Variants in SLC13A3 observed in about 807,000 individuals in gnomAD.
The protein encoded by SLC13A3 is Na(+)/dicarboxylate cotransporter 3.
SLC13A3 carries 40 observed loss-of-function variants against 59.0 expected under a neutral mutation model. The observed-to-expected ratio is 0.68, with a 90% CI of 0.53 to 0.88. The LOEUF is 0.88. Among genes scored for constraint, SLC13A3 ranks in the 40% least tolerant of loss-of-function variants. SLC13A3 has a pLI of 0.00. For synonymous variants in SLC13A3, 317 were observed against 330.3 expected, an observed-to-expected ratio of 0.96 and a Z score of 0.44; for missense variants, 699 against 783.2, an observed-to-expected ratio of 0.89 and a Z score of 1.28.
At chr20:46,648,556 C>G (rs2062917950) in intron 1 of SLC13A3, among the ~76,000 whole-genome samples, 1 of 152,026 alleles carries the variant, frequency 6.6e-6, no homozygotes, top group Non-Finnish European at 1.5e-5. Context: ...CACAAGGGAA[C>G]TGTAGGGAAC....
At chr20:46,666,889 G>C (rs924982020) in intron 1 of SLC13A3, among the ~76,000 whole-genome samples, 1 of 151,996 alleles carries the variant, frequency 6.6e-6, no homozygotes, top group African/African-American at 2.4e-5. Flanking sequence ...ACAATGTAAA[G>C]CAACTCAAAG....
At chr20:46,586,157 T>C (rs1464280096) in intron 8 of SLC13A3, among the ~76,000 whole-genome samples, 1 of 152,220 alleles carries the variant, frequency 6.6e-6, no homozygotes, top group Non-Finnish European at 1.5e-5. Context: ...AAATTTAAAA[T>C]ACATATGTGG....
rs79387867 is a variant in SLC13A3, at chr20:46,626,855, T to C, written c.112-13130A>G. Among the ~76,000 whole-genome samples, 79 of 152,302 alleles carry C rather than the reference T, an allele frequency of 5.2e-4. 1 individual carries two copies. In the East Asian group the frequency reaches 0.014, roughly 27 times the overall value. On this transcript the variant is annotated intron_variant, in intron 1 of 12. Coordinates refer to ENST00000279027, the MANE Select transcript of SLC13A3 (RefSeq NM_022829.6). The stretch of plus-strand genomic sequence containing the variant: ...AGGCCTTTTCCCCCGTCCAGGTCTT[T>C]GCACCTGCTGTTCCCTCTGCCTGGC...
upstream of SLC13A3, among the ~76,000 whole-genome samples, chr20:46,656,331 A>G (rs1452095407): frequency 1.7e-5 from 2 of 118,546 alleles, no homozygotes; most frequent in African/African-American, 6.0e-5. Flanking sequence ...TATATGATAT[A>G]CTATACAGTA....
At chr20:46,623,967 G>A (rs557994958) in intron 1 of SLC13A3, among the ~76,000 whole-genome samples, 3 of 152,270 alleles carry the variant, frequency 2.0e-5, no homozygotes, top group South Asian at 4.1e-4. Flanking sequence ...TGCACAATCC[G>A]TGGGTGTTCT....
rs184224270 is a variant in SLC13A3 at position 46,621,881 on chromosome 20, T to C, written c.112-8156A>G. 3.3e-5 allele frequency among the ~76,000 whole-genome samples: 5 copies of C among 152,404 alleles called. No homozygotes were observed. The East Asian group carries it at 9.6e-4, about 29-fold the overall frequency. ...CAAATCATGTAGTACATATATTTAT[T>C]TGACCTTATCTAACCCAAAGTTTCC... On this transcript the variant is annotated intron_variant, in intron 1 of 12. Transcript: ENST00000279027.
At chr20:46,652,717 G>C (rs975368191), upstream of SLC13A3, among the ~76,000 whole-genome samples, 1 of 151,860 alleles carries the variant, frequency 6.6e-6, no homozygotes, top group African/African-American at 2.4e-5. Context: ...TTTTTTTAAG[G>C]GGGGTGAGTC....
chr20:46,682,700 G>A (rs80128707), intron 1 of SLC13A3, among the ~76,000 whole-genome samples: 115 of 152,224 alleles, frequency 7.6e-4, no homozygotes, highest in African/African-American at 2.6e-3. Flanking sequence ...TTAAAAGCAT[G>A]GGTCTGAATC....
rs542850215 is a variant in SLC13A3, at chr20:46,568,316, T to A, written c.1333-1926A>T. On this transcript the variant is annotated intron_variant, in intron 10 of 12. Transcript: ENST00000279027. ...AGGAGGCTGAGGCAGGATAATCACT[T>A]AAACCAGGGAAGCGGAGGTTGCAGT... Among the ~76,000 whole-genome samples the A allele has an allele frequency of 3.9e-4, 54 of 139,574 alleles. 1 individual carries two copies. In the Admixed American group the frequency reaches 4.4e-3, roughly 11 times the overall value. The allele number at this position is 139,574 out of a possible 152,430, so 91.6% of individuals were successfully genotyped here.
chr20:46,640,738 G>T (rs962485449), intron 1 of SLC13A3, among the ~76,000 whole-genome samples: 3 of 152,114 alleles, frequency 2.0e-5, no homozygotes, highest in South Asian at 4.2e-4. Context: ...AAGCAGTTTG[G>T]ACACACGTGT....
intron 7 of SLC13A3, among the ~76,000 whole-genome samples, chr20:46,588,421 G>A (rs555290867): frequency 4.7e-4 from 71 of 152,248 alleles, no homozygotes; most frequent in Non-Finnish European, 8.5e-4. Flanking sequence ...CCGAAATCGC[G>A]TGTTTCATTA....
chr20:46,657,132 T>C (rs2062999554), intron 1 of SLC13A3, among the ~76,000 whole-genome samples: 1 of 151,994 alleles, frequency 6.6e-6, no homozygotes, highest in African/African-American at 2.4e-5. Flanking sequence ...CAAAAAAAGC[T>C]TTTGAGAAAA....
chr20:46,580,356 C>T (rs1055218573), intron 9 of SLC13A3, among the ~76,000 whole-genome samples: 1 of 151,752 alleles, frequency 6.6e-6, no homozygotes, highest in Non-Finnish European at 1.5e-5. Flanking sequence ...ACAAGGAGGG[C>T]CATGTGTTTC....
chr20:46,640,414 C>G (rs1338592310), intron 1 of SLC13A3, among the ~76,000 whole-genome samples: 4 of 152,144 alleles, frequency 2.6e-5, no homozygotes, highest in Admixed American at 2.6e-4. Flanking sequence ...CTAGCTGGGG[C>G]TCACTGTTGT....
At chr20:46,562,550 C>G (rs1341215022) in intron 12 of SLC13A3, among the ~76,000 whole-genome samples, 2 of 152,104 alleles carry the variant, frequency 1.3e-5, no homozygotes, top group Non-Finnish European at 2.9e-5. Context: ...GAGCACCTAG[C>G]AATATTGAAA....
At chr20:46,606,578 C>A (rs893675224) in intron 3 of SLC13A3, among the ~76,000 whole-genome samples, 4 of 152,156 alleles carry the variant, frequency 2.6e-5, no homozygotes, top group African/African-American at 9.7e-5. Context: ...GTGGCTCACG[C>A]CTGTAAGCCC....
chr20:46,608,892 C>T, intron 3 of SLC13A3: 1 of 1,549,962 alleles, frequency 6.5e-7, no homozygotes, highest in South Asian at 1.2e-5. Flanking sequence ...TCCCAGGTGC[C>T]ATCATATTCA....
intron 1 of SLC13A3, among the ~76,000 whole-genome samples, chr20:46,634,446 A>G (rs2062775382): frequency 6.6e-6 from 1 of 152,100 alleles, no homozygotes; most frequent in Non-Finnish European, 1.5e-5. Context: ...GCTAGGGGCC[A>G]TCTGTGTCCA....
intron 9 of SLC13A3, among the ~76,000 whole-genome samples, chr20:46,581,712 T>C (rs2062140559): frequency 6.6e-6 from 1 of 151,484 alleles, no homozygotes. Flanking sequence ...GGAAGTGGAG[T>C]TGGCAGAAGC....
Sources: allele counts gnomAD v4.1 joint callset (sites outside exome capture counted in the v4.1 genomes callset), GRCh38; gene constraint gnomAD v4.1.1; transcripts MANE v1.5; gene names NCBI Gene and HGNC (gene_info 2026-07-23, HGNC 2026-07-21).